CPXM2: variants seen among roughly 807,000 people sequenced by gnomAD.
CPXM2 encodes the protein carboxypeptidase X, M14 family member 2, also known as inactive carboxypeptidase-like protein X2.
CPXM2 carries 66 observed loss-of-function variants against 86.1 expected under a neutral mutation model. The observed-to-expected ratio is 0.77, with a 90% CI of 0.63 to 0.94. CPXM2 has a LOEUF of 0.94. CPXM2 is among the 40% of genes least tolerant of loss of function. CPXM2 has a pLI of 0.00. For missense variants in CPXM2, 948 were observed against 1,026.3 expected (o/e 0.92, Z 1.04); for synonymous variants, 388 against 400.2 (o/e 0.97, Z 0.36).
chr10:123,841,363 AAACAT>A (rs2134152750), intron 4 of CPXM2, among the ~76,000 whole-genome samples: 1 of 152,334 alleles, frequency 6.6e-6, no homozygotes, highest in Non-Finnish European at 1.5e-5. Context: ...GTTGTAAAAT[AAACAT>A]AACATAAAAT....
intron 3 of CPXM2, chr10:123,843,278 A>AAGAT: frequency 2.2e-6 from 1 of 455,826 alleles, no homozygotes; most frequent in Non-Finnish European, 4.4e-6. Flanking sequence ...CTGAATTTCC[A>AAGAT]AGATAGGTAA....
intron 4 of CPXM2, among the ~76,000 whole-genome samples, chr10:123,804,100 T>C (rs1354675994): frequency 1.3e-5 from 2 of 152,240 alleles, no homozygotes; most frequent in African/African-American, 4.8e-5. Context: ...TGCTCTATTC[T>C]GTTCTGTTGG....
At chr10:123,824,456 T>C (rs1848002866) in intron 4 of CPXM2, among the ~76,000 whole-genome samples, 1 of 152,150 alleles carries the variant, frequency 6.6e-6, no homozygotes, top group South Asian at 2.1e-4. Flanking sequence ...TAAAAGATAT[T>C]CCCACAGAGA....
At chr10:123,934,473 A>G (rs925355811) in intron 2 of CPXM2, among the ~76,000 whole-genome samples, 3 of 150,868 alleles carry the variant, frequency 2.0e-5, no homozygotes, top group Non-Finnish European at 3.0e-5. Context: ...TCGGTGTCCA[A>G]ATTTCCCTCT....
chr10:123,803,118 C>CTTTTTTTTTTTTTTTTTTTTTTTTTT (rs532954173), intron 4 of CPXM2, among the ~76,000 whole-genome samples: 3 of 63,634 alleles, frequency 4.7e-5, no homozygotes, highest in East Asian at 3.8e-4. Context: ...TTGTAGTACC[C>CTTTTTTTTTTTTTTTTTTTTTTTTTT]TTTTTTTTTT....
At chr10:123,778,770 C>T (rs1184008497) in intron 7 of CPXM2, among the ~76,000 whole-genome samples, 1 of 152,168 alleles carries the variant, frequency 6.6e-6, no homozygotes, top group Admixed American at 6.6e-5. Context: ...AGTTAACACA[C>T]CAGTGCTCCA....
chr10:123,854,422 T>C (rs1315545022), intron 3 of CPXM2, among the ~76,000 whole-genome samples: 1 of 124,628 alleles, frequency 8.0e-6, no homozygotes, highest in Admixed American at 9.2e-5. Flanking sequence ...ATAAAATATA[T>C]AATATATATA....
intron 4 of CPXM2, among the ~76,000 whole-genome samples, chr10:123,825,512 G>A (rs373779855): frequency 6.6e-6 from 1 of 152,078 alleles, no homozygotes; most frequent in African/African-American, 2.4e-5. Context: ...CCGCCTTTGT[G>A]CAAGAGAAAC....
At chr10:123,799,466 T>G (rs1232821556) in intron 4 of CPXM2, among the ~76,000 whole-genome samples, 1 of 152,186 alleles carries the variant, frequency 6.6e-6, no homozygotes, top group Non-Finnish European at 1.5e-5. Flanking sequence ...TTTAATCACT[T>G]AGAACAAGGC....
chr10:123,829,819 A>C (rs1464340804), intron 4 of CPXM2, among the ~76,000 whole-genome samples: 2 of 152,200 alleles, frequency 1.3e-5, no homozygotes, highest in African/African-American at 4.8e-5. Flanking sequence ...AAAACAGAAC[A>C]ATGTGACAGA....
chr10:123,781,019 T>C (rs1846921453), intron 6 of CPXM2, among the ~76,000 whole-genome samples: 1 of 152,220 alleles, frequency 6.6e-6, no homozygotes, highest in Non-Finnish European at 1.5e-5. Flanking sequence ...AGCCTCAGGA[T>C]GACTTCCGTG....
chr10:123,863,472 A>T (rs147777829), intron 2 of CPXM2, among the ~76,000 whole-genome samples: 14 of 152,348 alleles, frequency 9.2e-5, no homozygotes, highest in Non-Finnish European at 1.9e-4. Context: ...CTGACCTCAC[A>T]GAGAAAAACT....
chr10:123,866,322 G>C (rs561783624), intron 2 of CPXM2, among the ~76,000 whole-genome samples: 6 of 152,260 alleles, frequency 3.9e-5, no homozygotes, highest in African/African-American at 1.4e-4. Context: ...CCAGCACTTT[G>C]GGAGGCCGAG....
At chr10:123,858,344 G>C (rs1480322553) in intron 3 of CPXM2, among the ~76,000 whole-genome samples, 1 of 152,238 alleles carries the variant, frequency 6.6e-6, no homozygotes, top group East Asian at 1.9e-4. Flanking sequence ...AGAAATGCAA[G>C]AGACACATTT....
At chr10:123,750,512 T>C (rs1406331992) in intron 13 of CPXM2, 2 of 985,396 alleles carry the variant, frequency 2.0e-6, no homozygotes, top group East Asian at 2.3e-4. Context: ...TTCCTTGGCT[T>C]TCCCACCTAT....
chr10:123,926,230 AC>A (rs1311958438), intron 2 of CPXM2, among the ~76,000 whole-genome samples: 1 of 152,234 alleles, frequency 6.6e-6, no homozygotes, highest in African/African-American at 2.4e-5. Context: ...ATCTTCCGAT[AC>A]CGGGTCTTAC....
At chr10:123,866,930 C>T (rs2134205576) in intron 2 of CPXM2, among the ~76,000 whole-genome samples, 1 of 152,324 alleles carries the variant, frequency 6.6e-6, no homozygotes, top group Admixed American at 6.5e-5. Context: ...CTCCTTCCTT[C>T]CATCCCACGT....
intron 2 of CPXM2, among the ~76,000 whole-genome samples, chr10:123,899,184 A>G (rs569605079): frequency 6.6e-6 from 1 of 152,396 alleles, no homozygotes; most frequent in East Asian, 1.9e-4. Flanking sequence ...ATTTCGTTAT[A>G]TAGACACTAA....
rs531618965 is a variant in CPXM2, at chr10:123,885,537, A to T, written c.305-5228T>A. Among the ~76,000 whole-genome samples, 1 of 152,282 alleles carries T rather than the reference A, an allele frequency of 6.6e-6. No homozygotes were observed. Among genetic ancestry groups the T allele is most frequent in the Non-Finnish European group, 1.5e-5 (1 of 68,010 alleles). On this transcript the variant is annotated intron_variant, in intron 1 of 13. Transcript: ENST00000241305. This position sits in a 1 kb window ranked among gnomAD's most constrained non-coding sequence, Gnocchi z 4.0. ...TGTGACATCAGGGGCTTAAATTAAC[A>T]TGTGAAGCTGTTTTGTGCCATGCTA... is the stretch of plus-strand genomic sequence containing the variant.
Sources: allele counts gnomAD v4.1 joint callset (sites outside exome capture counted in the v4.1 genomes callset), GRCh38; gene constraint gnomAD v4.1.1; non-coding constraint Gnocchi (gnomAD v3.1); transcripts MANE v1.5; gene names NCBI Gene and HGNC (gene_info 2026-07-23, HGNC 2026-07-21).